MTUS1: variants seen among roughly 807,000 people sequenced by gnomAD.
MTUS1 encodes microtubule associated scaffold protein 1.
In MTUS1, 109 loss-of-function variants were observed where a neutral mutation model predicts 120.8. That is an observed-to-expected ratio of 0.90 (90% CI 0.77 to 1.06). The LOEUF (loss-of-function observed/expected upper bound fraction) is 1.06, where lower values mean the gene tolerates loss of function less well. MTUS1 is among the 50% of genes least tolerant of loss of function. MTUS1 has a pLI of 0.00. For synonymous variants in MTUS1, 737 were observed against 550.5 expected (o/e 1.34, Z -4.74); for missense variants, 2,210 against 1,486.3 (o/e 1.49, Z -8.01).
At chr8:17,655,770 T>TAA in intron 9 of MTUS1, 93 bp downstream of exon 9, 1 of 1,100,054 alleles carries the variant, frequency 9.1e-7, no homozygotes, top group Admixed American at 1.8e-5. Context: ...CCTATTAGAC[T>TAA]AAAAAAGAGA....
chr8:17,801,324 GAACTCGGGCCTCCCGCCCC>G (rs2052663295), upstream of MTUS1: 1 of 151,786 alleles, frequency 6.6e-6, no homozygotes, highest in South Asian at 2.1e-4. Flanking sequence ...GTAAATAGCC[GAACTCGGGCCTCCCGCCCC>G]AACCCGGGGC....
intron 1 of MTUS1, among the ~76,000 whole-genome samples, chr8:17,794,516 T>C (rs1045457715): frequency 3.9e-5 from 6 of 152,170 alleles, no homozygotes; most frequent in African/African-American, 1.4e-4. Flanking sequence ...TCTTGGTAGC[T>C]AGGTCTTGGC....
chr8:17,727,583 A>G (rs1488923336), intron 3 of MTUS1, among the ~76,000 whole-genome samples: 1 of 152,238 alleles, frequency 6.6e-6, no homozygotes, highest in Non-Finnish European at 1.5e-5. Flanking sequence ...AAACATAGCA[A>G]TATTAGGTTA....
Position 17,781,922 on chromosome 8 carries a change from G to T in MTUS1, c.-155+19139C>A, listed in dbSNP as rs558842695. Among the ~76,000 whole-genome samples the T allele has an allele frequency of 3.9e-5, 6 of 152,300 alleles. No individual in the cohort carries two copies. In the East Asian group the frequency reaches 1.2e-3, roughly 29 times the overall value. On this transcript the variant is annotated intron_variant, in intron 1 of 14. Coordinates refer to ENST00000693296, the MANE Select transcript of MTUS1 (RefSeq NM_001363059.2). Reference sequence around the variant, plus strand: ...TCAGAAGCCAGGCAGGTCCCTGTGGGATTAGCAACACTCCACTGCTAACAC... The same window carrying T: ...TCAGAAGCCAGGCAGGTCCCTGTGGTATTAGCAACACTCCACTGCTAACAC...
chr8:17,795,258 TGA>T (rs1346541190), intron 1 of MTUS1, among the ~76,000 whole-genome samples: 1 of 152,218 alleles, frequency 6.6e-6, no homozygotes, highest in African/African-American at 2.4e-5. Context: ...CTGATAAGTA[TGA>T]GTCTTTCCCA....
chr8:17,743,796 A>T lies in MTUS1; in HGVS notation c.2095T>A (p.Ser699Thr). Reference protein sequence around the residue: ...TFEYGSLFLGSASKTTTTSGR... With the variant: ...TFEYGSLFLGTASKTTTTSGR... ...GAGGTGGTCGTTGTTTTTGAAGCAG[A>T]GCCCTGTGAAAATAACAGTTAAGAC... Residue 699 changes from serine (S) to threonine (T), a missense_variant, in exon 3 of 15, where the codon TCT (serine) becomes ACT (threonine). Coordinates refer to ENST00000693296, the MANE Select transcript of MTUS1 (RefSeq NM_001363059.2). 1.2e-6 allele frequency: 2 copies of T among 1,613,408 alleles called. No individual in the cohort carries two copies. The highest frequency in any genetic ancestry group is 1.7e-5 in the Admixed American group (1 of 59,958).
At position 17,755,323 on chromosome 8, in the gene MTUS1, T is replaced by G; in HGVS notation, c.485A>C (p.Asp162Ala). 1 of 1,614,192 alleles carries G rather than the reference T, an allele frequency of 6.2e-7. No homozygotes were observed. The highest frequency in any genetic ancestry group is 8.5e-7 in the Non-Finnish European group (1 of 1,180,032). Residue 162 changes from aspartate to alanine, a missense_variant, in exon 2 of 15, where the codon GAC becomes GCC. Physicochemically the swap from Asp to Ala is moderately radical, Grantham distance 126. Coordinates refer to ENST00000693296, the MANE Select transcript of MTUS1 (RefSeq NM_001363059.2). ...CDALELNQTF[D>A]MTVDKVNCTF... ...GCAGTTAACTTTATCCACTGTCATG[T>G]CAAATGTTTGGTTTAGCTCCAAGGC...
intron 12 of MTUS1, among the ~76,000 whole-genome samples, chr8:17,652,147 T>C (rs1219362264): frequency 6.6e-6 from 1 of 152,158 alleles, no homozygotes; most frequent in Non-Finnish European, 1.5e-5. Context: ...ACAGTGGTAC[T>C]AAAGGCAGAA....
intron 1 of MTUS1, among the ~76,000 whole-genome samples, chr8:17,795,070 G>C (rs182995193): frequency 4.6e-5 from 7 of 152,294 alleles, no homozygotes; most frequent in Admixed American, 2.0e-4. Context: ...AAGAAATATT[G>C]ATTCTTTTCA....
rs543828210 is a variant in MTUS1 at position 17,720,341 on chromosome 8, A to G, written c.2449+3331T>C. 4.7e-4 allele frequency among the ~76,000 whole-genome samples: 70 copies of G among 150,026 alleles called. 2 individuals carry two copies. The highest frequency in any genetic ancestry group is 3.4e-3 in the Middle Eastern group (1 of 294). On this transcript the variant is annotated intron_variant, in intron 4 of 14. Coordinates refer to ENST00000693296, the MANE Select transcript of MTUS1 (RefSeq NM_001363059.2). The stretch of plus-strand genomic sequence containing the variant: ...GCCTGGGCGACAAGAGCGAAACTCC[A>G]TCTAAAAAAAAAAAAAACAAAAAAC...
chr8:17,679,526 C>A (rs1257460767), intron 7 of MTUS1, among the ~76,000 whole-genome samples: 3 of 150,736 alleles, frequency 2.0e-5, no homozygotes, highest in Admixed American at 6.6e-5. Flanking sequence ...TTTTTTGAGA[C>A]AGGGTCTCAC....
At chr8:17,674,713 T>C (rs1172353440) in intron 8 of MTUS1, 11 of 994,668 alleles carry the variant, frequency 1.1e-5, no homozygotes, top group African/African-American at 1.7e-5. Context: ...AAGATTAGCA[T>C]AGAACGTGCC....
chr8:17,709,565 C>A (rs939755459), intron 6 of MTUS1, among the ~76,000 whole-genome samples: 10 of 152,098 alleles, frequency 6.6e-5, no homozygotes, highest in African/African-American at 2.4e-4. Context: ...TGTAACATTA[C>A]ATGCATACCT....
At chr8:17,707,887 C>A (rs1820479339) in intron 6 of MTUS1, among the ~76,000 whole-genome samples, 1 of 152,188 alleles carries the variant, frequency 6.6e-6, no homozygotes, top group South Asian at 2.1e-4. Flanking sequence ...TACATGTCTT[C>A]AACACCTGGA....
intron 8 of MTUS1, among the ~76,000 whole-genome samples, chr8:17,658,710 T>G (rs1056359901): frequency 6.6e-6 from 1 of 152,112 alleles, no homozygotes; most frequent in Non-Finnish European, 1.5e-5. Flanking sequence ...AAAGGACAAT[T>G]TAGATCAATA....
chr8:17,794,940 T>C (rs1043606992), intron 1 of MTUS1, among the ~76,000 whole-genome samples: 1 of 152,196 alleles, frequency 6.6e-6, no homozygotes, highest in African/African-American at 2.4e-5. Flanking sequence ...CAACTTCGTA[T>C]CATTCATAGC....
rs117708104 is a variant in MTUS1, at chr8:17,771,518, G to C, written c.-154-15557C>G. Among the ~76,000 whole-genome samples, 672 of 152,292 alleles carry C rather than the reference G, an allele frequency of 4.4e-3. 3 individuals are homozygous for C. The highest frequency in any genetic ancestry group is 8.3e-3 in the Non-Finnish European group (564 of 68,010). On this transcript the variant is annotated intron_variant, in intron 1 of 14. Transcript: ENST00000693296. The stretch of plus-strand genomic sequence containing the variant: ...TCTTGGGCCAGCGTATCTGCTCTCA[G>C]CAATGTGAATAACTAGTGTCATCAA...
chr8:17,734,306 C>T (rs925876861), intron 3 of MTUS1: 2 of 152,218 alleles, frequency 1.3e-5, no homozygotes, highest in African/African-American at 4.8e-5. Flanking sequence ...TACTATTCCA[C>T]CTTCTTGAGT....
Position 17,654,657 on chromosome 8 carries a change from A to C in MTUS1, c.3118T>G (p.Leu1040Val), listed in dbSNP as rs748015153. The change falls in exon 10 of 15, where the codon TTA becomes GTA. Residue 1040 changes from leucine (L) to valine (V), a missense_variant. Physicochemically the swap from Leu to Val is conservative, Grantham distance 32. Coordinates refer to ENST00000693296, the MANE Select transcript of MTUS1 (RefSeq NM_001363059.2). ...TTAGAGGTTTCATGCGCAGCATTTA[A>C]GTTGTCAAACTGTAAGCAACAAACA... ...KMQLQEQFDN[L>V]NAAHETSKLE... 2 of 1,613,514 alleles carry C rather than the reference A, an allele frequency of 1.2e-6. No individual in the cohort carries two copies. Among genetic ancestry groups the C allele is most frequent in the Non-Finnish European group, 1.7e-6 (2 of 1,179,376 alleles).
Sources: gnomAD v4.1 joint callset for allele counts (sites outside exome capture counted in the v4.1 genomes callset) on GRCh38, gnomAD v4.1.1 for gene constraint, MANE v1.5 for transcripts, NCBI Gene and HGNC (gene_info 2026-07-23, HGNC 2026-07-21) for gene names.